Variants in RHBDD1 observed in about 807,000 individuals in gnomAD.
The protein encoded by RHBDD1 is rhomboid-related protein 4.
RHBDD1 carries 38 observed loss-of-function variants against 36.3 expected under a neutral mutation model. That is an observed-to-expected ratio of 1.05 (90% CI 0.81 to 1.37). RHBDD1 has a LOEUF of 1.37. RHBDD1 is among the 40% of genes most tolerant of loss of function. The pLI is 0.00. For missense variants in RHBDD1, 393 were observed against 377.6 expected (o/e 1.04, Z -0.34); for synonymous variants, 151 against 136.5 (o/e 1.11, Z -0.74).
At chr2:226,924,269 G>C (rs1474587539) in intron 8 of RHBDD1, among the ~76,000 whole-genome samples, 1 of 152,148 alleles carries the variant, frequency 6.6e-6, no homozygotes, top group Non-Finnish European at 1.5e-5. Flanking sequence ...CAAGGCAGAA[G>C]GTTTTCTTCT....
At chr2:226,987,318 C>A (rs1056908124) in intron 8 of RHBDD1, among the ~76,000 whole-genome samples, 2 of 152,014 alleles carry the variant, frequency 1.3e-5, no homozygotes, top group South Asian at 4.2e-4. Flanking sequence ...GTTCTGCACA[C>A]GTATCCCAGA....
the RHBDD1 span, among the ~76,000 whole-genome samples, chr2:226,800,942 C>T: frequency 6.6e-6 from 1 of 152,224 alleles, no homozygotes; most frequent in South Asian, 2.1e-4. Context: ...ATCAGTCTCC[C>T]CACAAACAAA....
intron 8 of RHBDD1, among the ~76,000 whole-genome samples, chr2:226,919,425 C>T (rs1027704996): frequency 2.0e-5 from 3 of 152,004 alleles, no homozygotes; most frequent in African/African-American, 7.2e-5. Context: ...GATTCCCCAA[C>T]ATTTTCTTTT....
chr2:226,927,114 G>C (rs1949714667), intron 8 of RHBDD1, among the ~76,000 whole-genome samples: 1 of 152,030 alleles, frequency 6.6e-6, no homozygotes, highest in South Asian at 2.1e-4. Context: ...AACCTACTCT[G>C]ACCCTTAATC....
Position 226,932,023 on chromosome 2 carries a change from G to A in RHBDD1, c.856+17672G>A, listed in dbSNP as rs375802775. 4.9e-4 allele frequency among the ~76,000 whole-genome samples: 74 copies of A among 152,050 alleles called. No homozygotes were observed. In the Middle Eastern group the frequency reaches 0.01, roughly 21 times the overall value. Reference sequence around the variant, plus strand: ...TCTTTGACCAGTGTTTTATAGTTTCGAACATGCAGATCCTCCATATGTTTT... The same window carrying A: ...TCTTTGACCAGTGTTTTATAGTTTCAAACATGCAGATCCTCCATATGTTTT... On this transcript the variant is annotated intron_variant, in intron 8 of 8. Coordinates refer to ENST00000392062, the MANE Select transcript of RHBDD1 (RefSeq NM_001167608.3).
chr2:226,929,232 G>A (rs528325142), intron 8 of RHBDD1, among the ~76,000 whole-genome samples: 130 of 151,934 alleles, frequency 8.6e-4, no homozygotes, highest in African/African-American at 3.0e-3. Flanking sequence ...TCTGATGAAC[G>A]TAGATGCAAA....
chr2:226,953,522 A>G (rs892901109), intron 8 of RHBDD1, among the ~76,000 whole-genome samples: 1 of 152,174 alleles, frequency 6.6e-6, no homozygotes, highest in African/African-American at 2.4e-5. Context: ...TGGCCTCTCA[A>G]TCCCTGGGCT....
At chr2:226,808,709 A>G in the RHBDD1 span, 1 of 152,188 alleles carries the variant, frequency 6.6e-6, no homozygotes. Context: ...GAGGTGTTCC[A>G]AGAGAATCAG....
intron 8 of RHBDD1, among the ~76,000 whole-genome samples, chr2:226,930,097 C>T (rs1011120904): frequency 6.6e-6 from 1 of 151,936 alleles, no homozygotes; most frequent in Non-Finnish European, 1.5e-5. Context: ...AAGCAATCTG[C>T]ATATTCAATG....
intron 8 of RHBDD1, among the ~76,000 whole-genome samples, chr2:226,960,395 T>C (rs1019090600): frequency 1.3e-5 from 2 of 152,226 alleles, no homozygotes; most frequent in East Asian, 3.8e-4. Context: ...GCTTACTCTG[T>C]GCATAAGAGA....
chr2:226,835,254 C>T (rs1940860265), upstream of RHBDD1, among the ~76,000 whole-genome samples: 1 of 152,166 alleles, frequency 6.6e-6, no homozygotes, highest in East Asian at 1.9e-4. Flanking sequence ...TATAGCATTG[C>T]AACATTTAAC....
chr2:226,822,095 G>A, the RHBDD1 span, among the ~76,000 whole-genome samples: 15 of 152,038 alleles, frequency 9.9e-5, no homozygotes, highest in African/African-American at 3.4e-4. Context: ...GTAAGTCAAA[G>A]GCATTAGGGA....
At chr2:226,842,870 A>G (rs184589857) in intron 3 of RHBDD1, among the ~76,000 whole-genome samples, 3 of 152,328 alleles carry the variant, frequency 2.0e-5, no homozygotes, top group East Asian at 3.9e-4. Context: ...TTTGGGCAGT[A>G]TGGCCGTTTT....
chr2:226,843,001 G>T (rs73083678), intron 3 of RHBDD1, among the ~76,000 whole-genome samples: 7,183 of 151,998 alleles, frequency 0.047, 539 homozygotes, highest in African/African-American at 0.16. Flanking sequence ...CCTTGTTGGC[G>T]GTATTCCTAG....
intron 8 of RHBDD1, among the ~76,000 whole-genome samples, chr2:226,929,283 A>G (rs1303797299): frequency 6.6e-6 from 1 of 152,142 alleles, no homozygotes; most frequent in Non-Finnish European, 1.5e-5. Flanking sequence ...CCAACAGCAC[A>G]TCCAAACAAT....
rs115086229 is a variant in RHBDD1, at chr2:226,993,876, G to A, written c.857-1555G>A. Among the ~76,000 whole-genome samples the A allele has an allele frequency of 5.5e-3, 842 of 152,342 alleles. 10 individuals carry two copies. Among genetic ancestry groups the A allele is most frequent in the African/African-American group, 0.02 (812 of 41,570 alleles). Reference sequence around the variant, plus strand: ...TCACTATGGTTTTAACAGTTGCCATGTCAGCTTATGCATAGATGGACACAT... The same window carrying A: ...TCACTATGGTTTTAACAGTTGCCATATCAGCTTATGCATAGATGGACACAT... On this transcript the variant is annotated intron_variant, in intron 8 of 8. Transcript: ENST00000392062.
At chr2:226,919,919 GGA>G (rs1949191419) in intron 8 of RHBDD1, among the ~76,000 whole-genome samples, 1 of 151,952 alleles carries the variant, frequency 6.6e-6, no homozygotes, top group African/African-American at 2.4e-5. Flanking sequence ...TGGGTAGTAT[GGA>G]CATTTTAACA....
At chr2:226,925,235 A>C (rs1479169862) in intron 8 of RHBDD1, among the ~76,000 whole-genome samples, 2 of 152,214 alleles carry the variant, frequency 1.3e-5, no homozygotes, top group Admixed American at 6.5e-5. Context: ...CTAGGAATCT[A>C]GCCTGAGGAA....
chr2:226,880,288 G>A (rs559767950), intron 5 of RHBDD1, among the ~76,000 whole-genome samples: 1 of 152,106 alleles, frequency 6.6e-6, no homozygotes, highest in African/African-American at 2.4e-5. Flanking sequence ...TGAAGTAGGG[G>A]ACATTTTTCT....
Sources: allele counts gnomAD v4.1 joint callset (sites outside exome capture counted in the v4.1 genomes callset), GRCh38; gene constraint gnomAD v4.1.1; transcripts MANE v1.5; gene names NCBI Gene and HGNC (gene_info 2026-07-23, HGNC 2026-07-21).